Variants in ZNF362 observed in about 807,000 individuals in gnomAD.
ZNF362 encodes rotund homolog.
A neutral mutation model predicts 42.9 loss-of-function variants in ZNF362; 11 were observed. That is an observed-to-expected ratio of 0.26 (90% CI 0.16 to 0.42). The LOEUF (loss-of-function observed/expected upper bound fraction) is 0.42. ZNF362 is among the 20% of genes least tolerant of loss of function. The pLI, the probability that ZNF362 is intolerant of heterozygous loss-of-function variation, is 1.00. For synonymous variants in ZNF362, 255 were observed against 257.3 expected (o/e 0.99, Z 0.09); for missense variants, 362 against 576.2 (o/e 0.63, Z 3.81).
At chr1:33,240,559 G>T in the ZNF362 span, among the ~76,000 whole-genome samples, 17 of 152,194 alleles carry the variant, frequency 1.1e-4, no homozygotes, top group South Asian at 3.5e-3. Flanking sequence ...GTAAATGTTA[G>T]GTTCAAAGTG....
intron 2 of ZNF362, chr1:33,275,219 C>CTT: frequency 1.0e-6 from 1 of 985,426 alleles, no homozygotes. Flanking sequence ...TCTAGGGTAG[C>CTT]AGGAAGACAA....
the ZNF362 span, among the ~76,000 whole-genome samples, chr1:33,202,644 C>T: frequency 2.0e-5 from 3 of 150,652 alleles, no homozygotes; most frequent in Non-Finnish European, 2.9e-5. Context: ...TACTATGCCT[C>T]GGGAATGTAA....
At chr1:33,212,821 T>C in the ZNF362 span, among the ~76,000 whole-genome samples, 1 of 152,184 alleles carries the variant, frequency 6.6e-6, no homozygotes, top group Non-Finnish European at 1.5e-5. Flanking sequence ...GGAATTACAT[T>C]TTAACATGAG....
At position 33,294,439 on chromosome 1, in the gene ZNF362, C is replaced by T. The variant is rs1646102400; in HGVS notation, c.909-498C>T. ...CACATTCTCCCATTTACTGGGGTGA[C>T]CATGCAGCTGTCACGGAGATGTGCC... On this transcript the variant is annotated intron_variant, in intron 6 of 8. Coordinates refer to ENST00000539719, the MANE Select transcript of ZNF362 (RefSeq NM_152493.3). This position sits in a 1 kb window ranked among gnomAD's most constrained non-coding sequence, Gnocchi z 4.2. Among the ~76,000 whole-genome samples, 2 of 152,222 alleles carry T rather than the reference C, an allele frequency of 1.3e-5. No individual in the cohort carries two copies. Among genetic ancestry groups the T allele is most frequent in the South Asian group, 2.1e-4 (1 of 4,822 alleles).
intron 6 of ZNF362, among the ~76,000 whole-genome samples, chr1:33,287,668 A>C (rs867975863): frequency 6.6e-6 from 1 of 152,214 alleles, no homozygotes; most frequent in East Asian, 1.9e-4. Flanking sequence ...TGTTATGTAC[A>C]TGCCTAATGA....
chr1:33,153,657 GA>G, the ZNF362 span, among the ~76,000 whole-genome samples: 1 of 152,276 alleles, frequency 6.6e-6, no homozygotes, highest in Non-Finnish European at 1.5e-5. Flanking sequence ...CCTTATGAGG[GA>G]GTTGAGAAGG....
At chr1:33,189,750 C>A in the ZNF362 span, among the ~76,000 whole-genome samples, 13 of 140,722 alleles carry the variant, frequency 9.2e-5, no homozygotes, top group African/African-American at 3.5e-4. Context: ...TATATATACA[C>A]ATACTGTTGT....
At chr1:33,192,634 C>T in the ZNF362 span, among the ~76,000 whole-genome samples, 60 of 152,178 alleles carry the variant, frequency 3.9e-4, 1 homozygote, top group East Asian at 6.9e-3. Context: ...TCAGAAATAA[C>T]GCATATGAAG....
the ZNF362 span, among the ~76,000 whole-genome samples, chr1:33,206,512 T>C: frequency 6.3e-4 from 96 of 152,250 alleles, no homozygotes; most frequent in African/African-American, 2.2e-3. Flanking sequence ...GATGGGAGGA[T>C]CACTTGAGCC....
chr1:33,166,729 G>A, the ZNF362 span, among the ~76,000 whole-genome samples: 3 of 152,028 alleles, frequency 2.0e-5, no homozygotes, highest in Non-Finnish European at 2.9e-5. Flanking sequence ...TGACTCCTGC[G>A]ATGAATAACA....
the ZNF362 span, chr1:33,180,955 A>ACCCCCCCCCCCCCCCCC: frequency 5.2e-6 from 2 of 386,044 alleles, no homozygotes; most frequent in South Asian, 3.6e-5. Flanking sequence ...TCCAGCCCTG[A>ACCCCCCCCCCCCCCCCC]CCCCACCCCC....
At chr1:33,255,284 C>T (rs1457928582), upstream of ZNF362, among the ~76,000 whole-genome samples, 1 of 152,236 alleles carries the variant, frequency 6.6e-6, no homozygotes, top group Non-Finnish European at 1.5e-5. Context: ...TTGATGTTTA[C>T]TAGGTCCTCT....
the ZNF362 span, chr1:33,165,643 G>T: frequency 7.7e-7 from 1 of 1,299,224 alleles, no homozygotes; most frequent in Non-Finnish European, 1.0e-6. This position sits in a 1 kb window ranked among gnomAD's most constrained non-coding sequence, Gnocchi z 4.0. Flanking sequence ...ACTGCCAGGC[G>T]CTGGGGGTTA....
chr1:33,208,538 G>A, the ZNF362 span, among the ~76,000 whole-genome samples: 63 of 152,020 alleles, frequency 4.1e-4, no homozygotes, highest in Non-Finnish European at 6.3e-4. Context: ...CCATTTTCAC[G>A]ATATTGATTT....
chr1:33,263,303 T>A (rs1471097189), intron 1 of ZNF362, among the ~76,000 whole-genome samples: 2 of 152,226 alleles, frequency 1.3e-5, no homozygotes, highest in East Asian at 3.8e-4. Flanking sequence ...ATTTACTATA[T>A]CCAGGCTTTG....
the ZNF362 span, among the ~76,000 whole-genome samples, chr1:33,139,199 T>C: frequency 6.6e-6 from 1 of 152,132 alleles, no homozygotes; most frequent in Non-Finnish European, 1.5e-5. Flanking sequence ...AAAATCTAGG[T>C]GTCGGGGGAA....
At chr1:33,146,890 A>C in the ZNF362 span, 2 of 438,918 alleles carry the variant, frequency 4.6e-6, no homozygotes, top group East Asian at 4.2e-5. Context: ...CCCTGAGAAG[A>C]TGGGGATGAG....
the ZNF362 span, among the ~76,000 whole-genome samples, chr1:33,154,503 ATT>A: frequency 6.7e-6 from 1 of 150,102 alleles, no homozygotes. Context: ...TCTTAATTAA[ATT>A]TGTTTTTTTT....
chr1:33,298,197 A>C (rs1352550915), intron 8 of ZNF362, among the ~76,000 whole-genome samples: 1 of 152,114 alleles, frequency 6.6e-6, no homozygotes, highest in Admixed American at 6.5e-5. Flanking sequence ...GATCCAGCAG[A>C]GCCAGTGGAG....
Sources: allele counts gnomAD v4.1 joint callset (sites outside exome capture counted in the v4.1 genomes callset), GRCh38; gene constraint gnomAD v4.1.1; non-coding constraint Gnocchi (gnomAD v3.1); transcripts MANE v1.5; gene names NCBI Gene and HGNC (gene_info 2026-07-23, HGNC 2026-07-21).